SETD2: variants seen among roughly 807,000 people sequenced by gnomAD.
SETD2 encodes the protein histone-lysine N-methyltransferase SETD2.
A neutral mutation model predicts 242.1 loss-of-function variants in SETD2; 31 were observed. The observed-to-expected ratio is 0.13, with a 90% CI of 0.10 to 0.17. The LOEUF is 0.17. SETD2 is among the 10% of genes least tolerant of loss of function. The probability of loss-of-function intolerance (pLI) is 1.00; values close to 1 mark genes in which losing one functional copy is unlikely to be tolerated. For missense variants in SETD2, 2,481 were observed against 3,046.3 expected (o/e 0.81, Z 4.37); for synonymous variants, 1,006 against 1,066.5 (o/e 0.94, Z 1.11).
intron 18 of SETD2, among the ~76,000 whole-genome samples, chr3:47,033,708 T>C (rs2038881623): frequency 7.7e-6 from 1 of 129,080 alleles, no homozygotes; most frequent in African/African-American, 2.8e-5. Context: ...GTTGTCCAGG[T>C]TGGAGTGCAG....
chr3:47,127,234 T>TA (rs2043356609), intron 1 of SETD2, among the ~76,000 whole-genome samples: 1 of 151,806 alleles, frequency 6.6e-6, no homozygotes, highest in South Asian at 2.1e-4. Flanking sequence ...GGCGTGCACT[T>TA]ATAGTCCCAG....
intron 12 of SETD2, among the ~76,000 whole-genome samples, chr3:47,074,856 C>T (rs1037404916): frequency 2.0e-5 from 3 of 152,140 alleles, no homozygotes; most frequent in Admixed American, 1.3e-4. Flanking sequence ...CTGCAGTAGG[C>T]CGGGAACGGT....
intron 1 of SETD2, among the ~76,000 whole-genome samples, chr3:47,139,679 T>C (rs1575837848): frequency 1.3e-5 from 2 of 152,176 alleles, no homozygotes; most frequent in Admixed American, 1.3e-4. Context: ...GCCATAAAAT[T>C]TATGAAATTT....
intron 18 of SETD2, among the ~76,000 whole-genome samples, chr3:47,021,883 T>C (rs530924738): frequency 1.3e-5 from 2 of 152,264 alleles, no homozygotes; most frequent in African/African-American, 4.8e-5. Context: ...GTGTGGTGGC[T>C]CACGCCTGTA....
intron 18 of SETD2, among the ~76,000 whole-genome samples, chr3:47,020,714 C>A (rs1333905360): frequency 1.3e-5 from 2 of 152,218 alleles, no homozygotes; most frequent in East Asian, 1.9e-4. Flanking sequence ...ATATAAGTTA[C>A]TTCATAATGG....
intron 12 of SETD2, among the ~76,000 whole-genome samples, chr3:47,075,879 G>A (rs1042648466): frequency 6.6e-6 from 1 of 152,156 alleles, no homozygotes; most frequent in African/African-American, 2.4e-5. Context: ...TAAAAAATAT[G>A]TTCTAGGGAT....
At chr3:47,031,652 T>C (rs2038775686) in intron 18 of SETD2, among the ~76,000 whole-genome samples, 1 of 152,182 alleles carries the variant, frequency 6.6e-6, no homozygotes, top group South Asian at 2.1e-4. Flanking sequence ...TAATGGTAGA[T>C]TGTGATAAGA....
At chr3:47,162,881 G>C (rs568416451) in intron 1 of SETD2, among the ~76,000 whole-genome samples, 12 of 152,220 alleles carry the variant, frequency 7.9e-5, no homozygotes, top group African/African-American at 2.9e-4. Context: ...AGATACAGCA[G>C]CAGATTCAGA....
intron 15 of SETD2, among the ~76,000 whole-genome samples, chr3:47,052,775 C>T (rs1360970407): frequency 6.6e-6 from 1 of 151,982 alleles, no homozygotes; most frequent in Non-Finnish European, 1.5e-5. Context: ...GAGATTGCAC[C>T]ACTGCACTCT....
intron 1 of SETD2, chr3:47,157,470 T>C: frequency 2.2e-6 from 1 of 456,070 alleles, no homozygotes; most frequent in Non-Finnish European, 4.4e-6. Context: ...CATGCTGAAA[T>C]ATTCTTTCCC....
upstream of SETD2, among the ~76,000 whole-genome samples, chr3:47,164,326 C>G (rs1697609051): frequency 6.6e-6 from 1 of 152,122 alleles, no homozygotes; most frequent in Non-Finnish European, 1.5e-5. This position sits in a 1 kb window ranked among gnomAD's most constrained non-coding sequence, Gnocchi z 5.4. Context: ...GAACAATAAA[C>G]CCCCGGCCCC....
At chr3:47,044,597 A>G (rs2039439425) in intron 16 of SETD2, among the ~76,000 whole-genome samples, 1 of 152,236 alleles carries the variant, frequency 6.6e-6, no homozygotes, top group Non-Finnish European at 1.5e-5. Context: ...TATTCTGTTT[A>G]GTTTTTTCAG....
Position 47,097,936 on chromosome 3 carries a change from A to C in SETD2, c.5142+19T>G. On this transcript the variant is annotated intron_variant, in intron 9 of 20. Transcript: ENST00000409792. ...TTAAATTTTTTATTGTGAAAGTTGA[A>C]AGAAAAATGCAAACTTACTGAATCC... The C allele has an allele frequency of 6.2e-7, 1 of 1,609,746 alleles. No homozygotes were observed. Among genetic ancestry groups the C allele is most frequent in the Non-Finnish European group, 8.5e-7 (1 of 1,178,048 alleles).
At chr3:47,035,137 C>T (rs1032711734) in intron 18 of SETD2, among the ~76,000 whole-genome samples, 9 of 152,152 alleles carry the variant, frequency 5.9e-5, no homozygotes, top group Admixed American at 5.2e-4. Flanking sequence ...ACAATACTGC[C>T]AATTATTTAG....
chr3:47,041,321 C>T (rs2039267124), intron 17 of SETD2: 1 of 425,792 alleles, frequency 2.3e-6, no homozygotes, highest in African/African-American at 2.0e-5. Flanking sequence ...CATAGTTTGC[C>T]AGCCCTGCAG....
Position 47,121,262 on chromosome 3 carries a change from C to G in SETD2, c.3374G>C (p.Cys1125Ser), listed in dbSNP as rs767731111. Residue 1125 changes from cysteine (C) to serine (S), a missense_variant, in exon 3 of 21, where the codon TGT becomes TCT. Physicochemically the swap from Cys to Ser is moderately radical, Grantham distance 112. Around this residue, in one of 17 missense-constraint regions of SETD2, gnomAD observed 1,300 missense variants for 1,259.2 expected, o/e 1.03. Transcript: ENST00000409792. Reference sequence around the variant, plus strand: ...AAGGAAAAACTTATCAGTTTGAGGACAGGCTTTACTTGCTATACTTTCAAA... The same window carrying G: ...AAGGAAAAACTTATCAGTTTGAGGAGAGGCTTTACTTGCTATACTTTCAAA... Reference protein sequence around the residue: ...EKFESIASKACPQTDKFFLHK... With the variant: ...EKFESIASKASPQTDKFFLHK... 1.9e-6 allele frequency: 3 copies of G among 1,613,896 alleles called. No homozygotes were observed. In the African/African-American group the frequency reaches 4.0e-5, roughly 22 times the overall value.
intron 4 of SETD2, among the ~76,000 whole-genome samples, chr3:47,115,995 C>A (rs1383350732): frequency 6.6e-6 from 1 of 152,080 alleles, no homozygotes; most frequent in African/African-American, 2.4e-5. Flanking sequence ...AAGAACAATA[C>A]AGAAGCAAAT....
In SETD2 at chr3:47,106,072, C is replaced by T. The variant is rs139567768; in HGVS notation, c.4764G>A (p.Glu1588=). The change falls in exon 6 of 21, where the codon GAG becomes GAA. Residue 1588 remains glutamate, a synonymous_variant. Coordinates refer to ENST00000409792, the MANE Select transcript of SETD2 (RefSeq NM_014159.7). ...EYCGEVLDHK[E]FKARVKEYAR... is the part of the protein sequence containing the mutation. ...CATACTCCTTCACTCGAGCTTTAAACTCTTTATGATCGAGTACCTCTCCAC... is the reference window on the plus strand; with the variant it reads ...CATACTCCTTCACTCGAGCTTTAAATTCTTTATGATCGAGTACCTCTCCAC... 11 of 1,613,626 alleles carry T rather than the reference C, an allele frequency of 6.8e-6. No homozygotes were observed. Among genetic ancestry groups the T allele is most frequent in the Non-Finnish European group, 8.5e-6 (10 of 1,179,748 alleles).
At chr3:47,114,552 GATAGAT>G (rs1559734681) in intron 4 of SETD2, among the ~76,000 whole-genome samples, 1 of 152,100 alleles carries the variant, frequency 6.6e-6, no homozygotes, top group Non-Finnish European at 1.5e-5. Context: ...CTTAATATGT[GATAGAT>G]ATAAAGGTTT....
Sources: gnomAD v4.1 joint callset for allele counts (sites outside exome capture counted in the v4.1 genomes callset) on GRCh38, gnomAD v4.1.1 for gene constraint, gnomAD v4.1.1 regional missense constraint, Gnocchi (gnomAD v3.1) non-coding constraint, MANE v1.5 for transcripts, NCBI Gene and HGNC (gene_info 2026-07-23, HGNC 2026-07-21) for gene names.